ADK: variants seen among roughly 807,000 people sequenced by gnomAD.
ADK encodes the protein adenosine kinase.
In ADK, 24 loss-of-function variants were observed where a neutral mutation model predicts 44.7. That is an observed-to-expected ratio of 0.54 (90% confidence interval 0.39 to 0.76). The LOEUF is 0.76. ADK is among the 30% of genes least tolerant of loss of function. ADK has a pLI of 0.00. For synonymous variants in ADK, 128 were observed against 142.6 expected, an observed-to-expected ratio of 0.90 and a Z score of 0.73; for missense variants, 321 against 425.1, an observed-to-expected ratio of 0.76 and a Z score of 2.15.
chr10:74,539,695 A>G (rs1849562693), intron 7 of ADK, among the ~76,000 whole-genome samples: 1 of 152,158 alleles, frequency 6.6e-6, no homozygotes, highest in Non-Finnish European at 1.5e-5. Flanking sequence ...TAACCCCTTC[A>G]GAAAAAAAAA....
chr10:74,186,190 T>TCCTTC (rs145702466), intron 1 of ADK, among the ~76,000 whole-genome samples: 16,882 of 143,314 alleles, frequency 0.12, 1,011 homozygotes, highest in Middle Eastern at 0.21. Context: ...GCCTTCCCTT[T>TCCTTC]CCTTCCCTTC....
intron 9 of ADK, chr10:74,655,247 C>A: frequency 2.4e-6 from 1 of 411,492 alleles, no homozygotes; most frequent in Non-Finnish European, 4.7e-6. Flanking sequence ...AGGGATGAGG[C>A]CACCCAGAAG....
rs151219738 is a variant in ADK, at chr10:74,287,020, A to C, written c.195-27647A>C. Among the ~76,000 whole-genome samples, 61 of 152,282 alleles carry C rather than the reference A, an allele frequency of 4.0e-4. 1 individual carries two copies. In the East Asian group the frequency reaches 9.7e-3, roughly 24 times the overall value. On this transcript the variant is annotated intron_variant, in intron 3 of 10. Coordinates refer to ENST00000539909, the MANE Select transcript of ADK (RefSeq NM_006721.4). ...TATTATCGCTGTTTTACAGATGAGA[A>C]AACTGAGGCACAGAGACCTGCTTAT...
chr10:74,203,365 G>GT (rs1207391601), intron 2 of ADK, among the ~76,000 whole-genome samples: 78 of 145,652 alleles, frequency 5.4e-4, no homozygotes, highest in African/African-American at 1.1e-3. Flanking sequence ...TTTGTTTTTT[G>GT]TTTTTTTTTT....
chr10:74,176,703 G>C (rs984863706), intron 1 of ADK: 1 of 1,465,536 alleles, frequency 6.8e-7, no homozygotes, highest in Non-Finnish European at 9.0e-7. Flanking sequence ...CCTCCAATCA[G>C]CACGCCGGGC....
chr10:74,619,604 A>G (rs535071237), intron 9 of ADK, among the ~76,000 whole-genome samples: 1 of 152,260 alleles, frequency 6.6e-6, no homozygotes, highest in African/African-American at 2.4e-5. Flanking sequence ...CATAGTAGTA[A>G]TAAATTCTGT....
At chr10:74,219,550 A>C (rs1472405345) in intron 2 of ADK, among the ~76,000 whole-genome samples, 1 of 152,226 alleles carries the variant, frequency 6.6e-6, no homozygotes, top group African/African-American at 2.4e-5. Flanking sequence ...CTCCACCGCA[A>C]ATCAATAGAA....
At chr10:74,334,521 G>A (rs891843434) in intron 4 of ADK, among the ~76,000 whole-genome samples, 2 of 152,146 alleles carry the variant, frequency 1.3e-5, no homozygotes, top group East Asian at 3.9e-4. Flanking sequence ...GTAATGAAGT[G>A]TTTTTTCTTT....
chr10:74,211,530 T>C (rs1365410453), intron 2 of ADK, among the ~76,000 whole-genome samples: 1 of 152,190 alleles, frequency 6.6e-6, no homozygotes, highest in Non-Finnish European at 1.5e-5. Context: ...ATTCTAAAAG[T>C]AAATGCTTTT....
intron 3 of ADK, among the ~76,000 whole-genome samples, chr10:74,310,532 G>A (rs1249264290): frequency 6.6e-6 from 1 of 151,942 alleles, no homozygotes; most frequent in South Asian, 2.1e-4. Flanking sequence ...CTTCAACTTC[G>A]GAATGATTCC....
chr10:74,570,754 C>G (rs1196361189), intron 7 of ADK, among the ~76,000 whole-genome samples: 1 of 152,186 alleles, frequency 6.6e-6, no homozygotes, highest in Non-Finnish European at 1.5e-5. Context: ...TTGACTTCCT[C>G]TTTTCCTAAT....
chr10:74,570,013 C>T (rs577407775), intron 7 of ADK, among the ~76,000 whole-genome samples: 1 of 152,166 alleles, frequency 6.6e-6, no homozygotes, highest in Non-Finnish European at 1.5e-5. Context: ...TTTCCCAGCA[C>T]CATTTATTAA....
At chr10:74,223,239 T>C (rs1044307452) in intron 2 of ADK, among the ~76,000 whole-genome samples, 2 of 152,114 alleles carry the variant, frequency 1.3e-5, no homozygotes, top group African/African-American at 4.8e-5. Context: ...CTGAACCTGC[T>C]AATGGTAGCT....
At chr10:74,290,098 ACACT>A (rs1344111477) in intron 3 of ADK, among the ~76,000 whole-genome samples, 3 of 147,198 alleles carry the variant, frequency 2.0e-5, no homozygotes, top group African/African-American at 4.9e-5. Flanking sequence ...ACACACACAC[ACACT>A]CACACACACT....
At chr10:74,252,471 A>C (rs1845682892) in intron 3 of ADK, among the ~76,000 whole-genome samples, 1 of 152,344 alleles carries the variant, frequency 6.6e-6, no homozygotes, top group Non-Finnish European at 1.5e-5. Flanking sequence ...AAGGCACTGT[A>C]GGGCTTGCAT....
intron 3 of ADK, among the ~76,000 whole-genome samples, chr10:74,269,655 G>C (rs1846351425): frequency 6.6e-6 from 1 of 152,120 alleles, no homozygotes; most frequent in South Asian, 2.1e-4. Flanking sequence ...AATGTGCCAG[G>C]TATGGTGGCT....
chr10:74,456,057 C>T (rs1339721417), intron 6 of ADK, among the ~76,000 whole-genome samples: 2 of 152,116 alleles, frequency 1.3e-5, no homozygotes, highest in Non-Finnish European at 2.9e-5. Context: ...TAGAGACCTA[C>T]AAAGAGTCTT....
intron 7 of ADK, among the ~76,000 whole-genome samples, chr10:74,542,430 A>AT (rs1041394058): frequency 2.9e-4 from 44 of 152,152 alleles, no homozygotes; most frequent in Non-Finnish European, 4.6e-4. Context: ...TCTGTGTACA[A>AT]TTTTTTTTGT....
At chr10:74,702,875 G>T (rs932990260) in intron 10 of ADK, among the ~76,000 whole-genome samples, 1 of 152,076 alleles carries the variant, frequency 6.6e-6, no homozygotes, top group Non-Finnish European at 1.5e-5. Context: ...GGGATTACAC[G>T]TGTGAGCCAC....
Sources: allele counts gnomAD v4.1 joint callset (sites outside exome capture counted in the v4.1 genomes callset), GRCh38; gene constraint gnomAD v4.1.1; transcripts MANE v1.5; gene names NCBI Gene and HGNC (gene_info 2026-07-23, HGNC 2026-07-21).